CFAP54: variants seen among roughly 807,000 people sequenced by gnomAD.
CFAP54 encodes cilia and flagella associated protein 54, also known as cilia- and flagella-associated protein 54.
CFAP54 carries 290 observed loss-of-function variants against 370.4 expected under a neutral mutation model. That is an observed-to-expected ratio of 0.78 (90% CI 0.71 to 0.86). CFAP54 has a LOEUF of 0.86. CFAP54 is among the 40% of genes least tolerant of loss of function. The pLI, the probability that CFAP54 is intolerant of heterozygous loss-of-function variation, is 0.00. For missense variants in CFAP54, 3,399 were observed against 3,528.7 expected (o/e 0.96, Z 0.93); for synonymous variants, 1,206 against 1,236.5 (o/e 0.98, Z 0.52).
At chr12:96,712,326 TAAG>T (rs1259842931) in intron 48 of CFAP54, among the ~76,000 whole-genome samples, 1 of 152,112 alleles carries the variant, frequency 6.6e-6, no homozygotes, top group Non-Finnish European at 1.5e-5. Flanking sequence ...CTCACTGAAA[TAAG>T]AAATTCATTA....
intron 2 of CFAP54, among the ~76,000 whole-genome samples, chr12:96,502,715 G>C (rs1329267806): frequency 2.0e-5 from 3 of 152,166 alleles, no homozygotes; most frequent in African/African-American, 4.8e-5. Context: ...GGGGGAGGGA[G>C]CTGAGGAAGG....
chr12:96,641,897 G>T (rs1956733221), intron 32 of CFAP54, among the ~76,000 whole-genome samples: 1 of 146,910 alleles, frequency 6.8e-6, no homozygotes, highest in Non-Finnish European at 1.5e-5. Flanking sequence ...ATGGACACAG[G>T]AAGGGGAACA....
At chr12:96,794,276 G>A (rs931452844) in intron 63 of CFAP54, among the ~76,000 whole-genome samples, 2 of 152,108 alleles carry the variant, frequency 1.3e-5, no homozygotes, top group African/African-American at 4.8e-5. Flanking sequence ...GTATTTGGAT[G>A]TCTAGATCTC....
intron 36 of CFAP54, among the ~76,000 whole-genome samples, chr12:96,652,047 A>C (rs1956865174): frequency 1.3e-5 from 2 of 152,194 alleles, no homozygotes; most frequent in Non-Finnish European, 2.9e-5. Context: ...ACATGAACTG[A>C]ACTCCAGCCC....
chr12:96,710,610 C>G (rs1418196224), intron 48 of CFAP54, among the ~76,000 whole-genome samples: 1 of 151,838 alleles, frequency 6.6e-6, no homozygotes, highest in Non-Finnish European at 1.5e-5. Context: ...TCTCTAGGAA[C>G]TGGGAGGTCA....
At chr12:96,514,127 C>G (rs77743676) in intron 5 of CFAP54, among the ~76,000 whole-genome samples, 1 of 152,128 alleles carries the variant, frequency 6.6e-6, no homozygotes, top group African/African-American at 2.4e-5. Flanking sequence ...CCCGTTGAGA[C>G]CCTGCTTGAG....
intron 27 of CFAP54, among the ~76,000 whole-genome samples, chr12:96,622,250 T>C (rs1956505099): frequency 6.6e-6 from 1 of 152,162 alleles, no homozygotes; most frequent in Non-Finnish European, 1.5e-5. Context: ...CTTATGCTTA[T>C]TGCCTTTCCT....
At chr12:96,610,708 C>T (rs967507793) in intron 26 of CFAP54, among the ~76,000 whole-genome samples, 3 of 152,190 alleles carry the variant, frequency 2.0e-5, no homozygotes, top group Non-Finnish European at 4.4e-5. Flanking sequence ...GCTTTTCCAA[C>T]AGTCTTAGCA....
chr12:96,826,075 C>T (rs937807227), intron 65 of CFAP54, among the ~76,000 whole-genome samples: 43 of 144,220 alleles, frequency 3.0e-4, no homozygotes, highest in Non-Finnish European at 5.7e-4. Context: ...CATTTACCAG[C>T]ATTTAGAATA....
chr12:96,564,997 C>T (rs1592853423), intron 19 of CFAP54: 1 of 260,136 alleles, frequency 3.8e-6, no homozygotes, highest in African/African-American at 2.2e-5. Flanking sequence ...CATGAGAAGA[C>T]AAATAAAATC....
chr12:96,589,337 G>A, intron 22 of CFAP54, 90 bp from the exon 23 acceptor site: 1 of 1,043,508 alleles, frequency 9.6e-7, no homozygotes, highest in Non-Finnish European at 1.4e-6. Context: ...CTTATAAAAT[G>A]CTGTCATAGA....
intron 31 of CFAP54, 37 bp from the exon 32 acceptor site, chr12:96,630,514 T>A: frequency 8.7e-7 from 1 of 1,153,528 alleles, no homozygotes; most frequent in Non-Finnish European, 1.2e-6. Flanking sequence ...GTTCAAAGTT[T>A]AAATTTAACT....
intron 22 of CFAP54, among the ~76,000 whole-genome samples, chr12:96,585,747 C>T (rs1306030631): frequency 6.6e-6 from 1 of 152,202 alleles, no homozygotes; most frequent in Non-Finnish European, 1.5e-5. Context: ...TTACAGCCAG[C>T]ATGGACTTTC....
chr12:96,725,824 G>A (rs1406786164), intron 50 of CFAP54, among the ~76,000 whole-genome samples: 1 of 151,766 alleles, frequency 6.6e-6, no homozygotes, highest in Non-Finnish European at 1.5e-5. Context: ...GTCATAGATA[G>A]CTCTTATTAT....
chr12:96,687,567 A>C (rs962416538), intron 42 of CFAP54, among the ~76,000 whole-genome samples: 3 of 152,224 alleles, frequency 2.0e-5, no homozygotes, highest in Non-Finnish European at 2.9e-5. Flanking sequence ...GCTGTAGAGC[A>C]CACTTAAAAC....
chr12:96,680,673 C>G (rs78802246), intron 40 of CFAP54, among the ~76,000 whole-genome samples: 3,449 of 152,074 alleles, frequency 0.023, 138 homozygotes, highest in African/African-American at 0.077. Flanking sequence ...GCCCACCCCC[C>G]ACACTTTCTA....
At chr12:96,720,363 A>G (rs929356043) in intron 49 of CFAP54, 42 bp from the exon 50 acceptor site, 24 of 1,328,334 alleles carry the variant, frequency 1.8e-5, no homozygotes, top group Non-Finnish European at 2.3e-5. Flanking sequence ...CAGTATTTGT[A>G]TTATTTCTGA....
intron 60 of CFAP54, among the ~76,000 whole-genome samples, chr12:96,775,451 G>A (rs1235098832): frequency 6.6e-6 from 1 of 152,060 alleles, no homozygotes; most frequent in Non-Finnish European, 1.5e-5. Context: ...AAACTTTACT[G>A]TGGACATTGA....
rs1301113814 is a variant in CFAP54, at chr12:96,506,997, A to T, written c.637A>T (p.Asn213Tyr). 4 of 1,535,982 alleles carry T rather than the reference A, an allele frequency of 2.6e-6. No homozygotes were observed. The highest frequency in any genetic ancestry group is 3.5e-6 in the Non-Finnish European group (4 of 1,146,884). Reference protein sequence around the residue: ...LVCDSDENLKNKESVVQCLHI... With the variant: ...LVCDSDENLKYKESVVQCLHI... ...CTGCGACAGTGATGAAAACCTGAAGAATAAAGAATCTGTGGTCCAGTGTCT... is the reference window on the plus strand; with the variant it reads ...CTGCGACAGTGATGAAAACCTGAAGTATAAAGAATCTGTGGTCCAGTGTCT... Residue 213 changes from asparagine (N) to tyrosine (Y), a missense_variant, in exon 4 of 68, where the codon AAT (asparagine) becomes TAT (tyrosine). By Grantham distance (143) the Asn-to-Tyr change is moderately radical. Around this residue, in one of 3 missense-constraint regions of CFAP54, gnomAD observed 559 missense variants for 576.7 expected, o/e 0.97. Transcript: ENST00000524981.
Sources: gnomAD v4.1 joint callset for allele counts (sites outside exome capture counted in the v4.1 genomes callset) on GRCh38, gnomAD v4.1.1 for gene constraint, gnomAD v4.1.1 regional missense constraint, MANE v1.5 for transcripts, NCBI Gene and HGNC (gene_info 2026-07-23, HGNC 2026-07-21) for gene names.